INSR: variants seen among roughly 807,000 people sequenced by gnomAD.
INSR encodes the protein IR.
In INSR, 67 loss-of-function variants were observed where a neutral mutation model predicts 142.6. That is an observed-to-expected ratio of 0.47 (90% confidence interval 0.39 to 0.58). The LOEUF (loss-of-function observed/expected upper bound fraction) is 0.58. Among genes scored for constraint, INSR ranks in the 20% least tolerant of loss-of-function variants. The pLI, the probability that INSR is intolerant of heterozygous loss-of-function variation, is 0.00. For missense variants in INSR, 1,248 were observed against 1,833.2 expected (o/e 0.68, Z 5.83); for synonymous variants, 756 against 743.1 (o/e 1.02, Z -0.28).
rs1974631145 is a variant in INSR at position 7,192,520 on chromosome 19, G to A, written c.653-7883C>T. Among the ~76,000 whole-genome samples, 1 of 152,110 alleles carries A rather than the reference G, an allele frequency of 6.6e-6. No homozygotes were observed. The highest frequency in any genetic ancestry group is 2.4e-5 in the African/African-American group (1 of 41,408). On this transcript the variant is annotated intron_variant, in intron 2 of 21. Transcript: ENST00000302850. This position sits in a 1 kb window ranked among gnomAD's most constrained non-coding sequence, Gnocchi z 4.2. ...GATCCCCCTCATTGACACGTAATGA[G>A]CCCAAGTGTCCGTTCCTGCCCAAAT...
intron 13 of INSR, among the ~76,000 whole-genome samples, chr19:7,137,660 T>C (rs2144848379): frequency 6.6e-6 from 1 of 151,790 alleles, no homozygotes; most frequent in East Asian, 2.0e-4. Flanking sequence ...TGGTCGTGGG[T>C]GCCTGTAATC....
At chr19:7,130,150 T>C (rs1317526057) in intron 14 of INSR, among the ~76,000 whole-genome samples, 1 of 152,158 alleles carries the variant, frequency 6.6e-6, no homozygotes, top group African/African-American at 2.4e-5. Context: ...ATTATCTCCA[T>C]GTACAGATGA....
At chr19:7,140,168 C>A (rs1241851610) in intron 13 of INSR, among the ~76,000 whole-genome samples, 1 of 152,126 alleles carries the variant, frequency 6.6e-6, no homozygotes, top group African/African-American at 2.4e-5. Context: ...AAGCCAAAAT[C>A]TTTGGTTGCC....
intron 9 of INSR, among the ~76,000 whole-genome samples, chr19:7,156,742 G>T (rs1331546224): frequency 1.5e-4 from 23 of 151,196 alleles, no homozygotes; most frequent in East Asian, 9.7e-4. Flanking sequence ...GCTTATAAAG[G>T]TAGCAGTCCT....
At position 7,184,060 on chromosome 19, in the gene INSR, C is replaced by CAAAAAAAAAAAAAAAAAAA. The variant is rs533682498; in HGVS notation, c.974+255_974+256insTTTTTTTTTTTTTTTTTTT. 2.2e-3 allele frequency among the ~76,000 whole-genome samples: 183 copies of CAAAAAAAAAAAAAAAAAAA among 84,816 alleles called. 3 individuals are homozygous for CAAAAAAAAAAAAAAAAAAA. Among genetic ancestry groups the CAAAAAAAAAAAAAAAAAAA allele is most frequent in the African/African-American group, 2.8e-3 (57 of 20,486 alleles). 55.6% of individuals were successfully genotyped at this position (84,816 alleles called of 152,430 possible). A position where few individuals can be genotyped will look rare whatever the true frequency, so the allele number is the denominator to read the frequency against. The stretch of plus-strand genomic sequence containing the variant: ...GGAGTCTTGCGGCAAGACTCCATCT[C>CAAAAAAAAAAAAAAAAAAA]AAAAAAAAAAAAAAAGAATGGTGGG... On this transcript the variant is annotated intron_variant, in intron 3 of 21. Transcript: ENST00000302850.
At chr19:7,174,066 C>T (rs979792236) in intron 4 of INSR, among the ~76,000 whole-genome samples, 5 of 151,330 alleles carry the variant, frequency 3.3e-5, no homozygotes, top group East Asian at 2.0e-4. Context: ...GAAGATTGCT[C>T]GAGCCCAGGA....
intron 9 of INSR, among the ~76,000 whole-genome samples, chr19:7,158,127 CATTCCTG>C: frequency 6.6e-6 from 1 of 151,046 alleles, no homozygotes; most frequent in East Asian, 2.0e-4. Flanking sequence ...GCACAGGTAT[CATTCCTG>C]ATACCTGCTA....
rs1973686204 is a variant in INSR at position 7,159,068 on chromosome 19, A to C, written c.2029+3964T>G. ...CAGGCACCCACCACCACACCCAACT[A>C]ATTTTTGTATTTTTAGTAGAGACGG... On this transcript the variant is annotated intron_variant, in intron 9 of 21. Transcript: ENST00000302850. This position sits in a 1 kb window ranked among gnomAD's most constrained non-coding sequence, Gnocchi z 4.3. 6.6e-6 allele frequency among the ~76,000 whole-genome samples: 1 copy of C among 151,722 alleles called. No homozygotes were observed. Among genetic ancestry groups the C allele is most frequent in the South Asian group, 2.1e-4 (1 of 4,792 alleles).
chr19:7,141,616 T>C, intron 13 of INSR, 61 bp downstream of exon 13: 2 of 1,608,052 alleles, frequency 1.2e-6, no homozygotes, highest in Non-Finnish European at 8.5e-7. Context: ...AGGTACCAAG[T>C]GCAACTCTGA....
At chr19:7,230,822 T>G (rs12463007) in intron 2 of INSR, among the ~76,000 whole-genome samples, 1 of 134,950 alleles carries the variant, frequency 7.4e-6, no homozygotes, top group East Asian at 2.1e-4. Context: ...AAAAAAAAAA[T>G]AAAAAATATT....
Position 7,167,981 on chromosome 19 carries a change from A to G in INSR, c.1597T>C (p.Phe533Leu). The change falls in exon 7 of 22, where the codon TTC becomes CTC. Residue 533 changes from phenylalanine (F) to leucine (L), a missense_variant. This residue lies in a region of INSR where 1,069 missense variants were observed against 1,654.0 expected (regional missense o/e 0.65). Coordinates refer to ENST00000302850, the MANE Select transcript of INSR (RefSeq NM_000208.4). ...DFRDLLGFMLFYKEAPYQNVT... is the reference protein window; with the variant it reads ...DFRDLLGFMLLYKEAPYQNVT... ...TCTTCTACTTACGCCTCTTTGTAGA[A>G]CAGCATGAACCCCAAGAGGTCTCGG... 1.2e-6 allele frequency: 2 copies of G among 1,614,068 alleles called. No individual in the cohort carries two copies. The highest frequency in any genetic ancestry group is 1.7e-6 in the Non-Finnish European group (2 of 1,179,996).
chr19:7,205,098 T>C (rs1427139119), intron 2 of INSR, among the ~76,000 whole-genome samples: 2 of 152,184 alleles, frequency 1.3e-5, no homozygotes, highest in African/African-American at 4.8e-5. Context: ...AAAAGTTTAC[T>C]AGGCAGCAAA....
chr19:7,282,120 T>G (rs1451273278), intron 1 of INSR, among the ~76,000 whole-genome samples: 1 of 152,052 alleles, frequency 6.6e-6, no homozygotes, highest in Non-Finnish European at 1.5e-5. Context: ...ATCCCAGCAC[T>G]TTGGGAGGCC....
intron 2 of INSR, among the ~76,000 whole-genome samples, chr19:7,243,635 T>C (rs944874636): frequency 7.9e-5 from 12 of 152,200 alleles, no homozygotes; most frequent in African/African-American, 2.9e-4. Context: ...TTACCTGCTA[T>C]TTCATTTTAT....
intron 2 of INSR, among the ~76,000 whole-genome samples, chr19:7,201,084 C>G (rs1218518675): frequency 6.6e-6 from 1 of 152,002 alleles, no homozygotes; most frequent in African/African-American, 2.4e-5. Context: ...TAACTTTTTA[C>G]AAGTTGTTGA....
chr19:7,146,108 T>G (rs567983343), intron 11 of INSR, among the ~76,000 whole-genome samples: 2 of 152,220 alleles, frequency 1.3e-5, no homozygotes, highest in Non-Finnish European at 2.9e-5. Flanking sequence ...CTTCTGATCT[T>G]AAACCATCCT....
chr19:7,124,514 G>A (rs1170073647), intron 17 of INSR, among the ~76,000 whole-genome samples: 1 of 108,466 alleles, frequency 9.2e-6, no homozygotes, highest in Non-Finnish European at 1.7e-5. Flanking sequence ...ACTCCAGCCT[G>A]CACAACAAAG....
intron 1 of INSR, among the ~76,000 whole-genome samples, chr19:7,282,435 C>A (rs935281421): frequency 4.6e-5 from 7 of 152,056 alleles, no homozygotes; most frequent in Admixed American, 2.6e-4. Flanking sequence ...GTAATCCCAG[C>A]CCTTTGAGAG....
At chr19:7,273,841 G>A (rs951243834) in intron 1 of INSR, among the ~76,000 whole-genome samples, 23 of 151,272 alleles carry the variant, frequency 1.5e-4, no homozygotes, top group Admixed American at 7.9e-4. Flanking sequence ...AAAATATGCC[G>A]AATGGGCCAG....
Sources: allele counts gnomAD v4.1 joint callset (sites outside exome capture counted in the v4.1 genomes callset), GRCh38; gene constraint gnomAD v4.1.1; regional missense constraint gnomAD v4.1.1; non-coding constraint Gnocchi (gnomAD v3.1); transcripts MANE v1.5; gene names NCBI Gene and HGNC (gene_info 2026-07-23, HGNC 2026-07-21).